Variants in ERP29 observed in about 807,000 individuals in gnomAD.
ERP29 encodes the protein endoplasmic reticulum protein 29.
A neutral mutation model predicts 21.7 loss-of-function variants in ERP29; 14 were observed. That is an observed-to-expected ratio of 0.64 (90% confidence interval 0.43 to 1.01). The LOEUF is 1.01. Among genes scored for constraint, ERP29 ranks in the 50% least tolerant of loss-of-function variants. The probability of loss-of-function intolerance (pLI) is 0.00; values close to 1 mark genes in which losing one functional copy is unlikely to be tolerated. For missense variants in ERP29, 286 were observed against 327.3 expected, an observed-to-expected ratio of 0.87 and a Z score of 0.97; for synonymous variants, 129 against 139.1, an observed-to-expected ratio of 0.93 and a Z score of 0.51.
intron 1 of ERP29, 45 bp from the exon 2 acceptor site, chr12:112,019,711 A>G (rs772059950): frequency 6.2e-7 from 1 of 1,613,580 alleles, no homozygotes; most frequent in Non-Finnish European, 8.5e-7. Flanking sequence ...AATTAGCCCC[A>G]AAAGTCCCTG....
intron 2 of ERP29, among the ~76,000 whole-genome samples, chr12:112,020,639 C>T (rs925976572): frequency 7.2e-5 from 11 of 152,168 alleles, no homozygotes; most frequent in Non-Finnish European, 1.2e-4. Context: ...CTTAGTAGAG[C>T]GTCTGGTCCT....
At chr12:112,015,882 A>G (rs1175017285) in intron 1 of ERP29, among the ~76,000 whole-genome samples, 2 of 152,132 alleles carry the variant, frequency 1.3e-5, no homozygotes, top group Admixed American at 1.3e-4. Flanking sequence ...ATGTTGCACT[A>G]GTTGTTCCTT....
chr12:112,019,920 G>T (rs369454134), intron 2 of ERP29, 26 bp downstream of exon 2: 70 of 1,613,162 alleles, frequency 4.3e-5, no homozygotes, highest in Middle Eastern at 1.6e-4. Flanking sequence ...GGACGGCTGG[G>T]GGGGCAGAGA....
intron 2 of ERP29, among the ~76,000 whole-genome samples, chr12:112,021,441 T>C (rs2078044478): frequency 6.6e-6 from 1 of 151,868 alleles, no homozygotes; most frequent in Admixed American, 6.6e-5. Context: ...TTGTTTTCCC[T>C]GTGGCATTCA....
chr12:112,017,904 C>A (rs996233820), intron 1 of ERP29, among the ~76,000 whole-genome samples: 19 of 151,412 alleles, frequency 1.3e-4, no homozygotes, highest in Non-Finnish European at 2.5e-4. Flanking sequence ...CCTGCCTCAG[C>A]CTCCCGAGTA....
chr12:112,022,427 C>A lies in ERP29; in HGVS notation c.561C>A (p.Asn187Lys), dbSNP rs1444582830. ...CCCTCTTGAAGCAGGGGCAAGATAA[C>A]CTCTCAAGTGTGAAGGAGACTCAGA... ...RQALLKQGQD[N>K]LSSVKETQKK... Residue 187 changes from asparagine to lysine, a missense_variant, in exon 3 of 3, where the codon AAC becomes AAA. Transcript: ENST00000261735. 2 of 1,614,152 alleles carry A rather than the reference C, an allele frequency of 1.2e-6. No individual in the cohort carries two copies. Among genetic ancestry groups the A allele is most frequent in the East Asian group, 2.2e-5 (1 of 44,882 alleles).
At chr12:112,014,421 C>T (rs923104400) in intron 1 of ERP29, among the ~76,000 whole-genome samples, 1 of 152,182 alleles carries the variant, frequency 6.6e-6, no homozygotes, top group Non-Finnish European at 1.5e-5. Context: ...TCGAAACCAC[C>T]CAACCCCGTG....
At chr12:112,014,540 C>T (rs1481940905) in intron 1 of ERP29, 1 of 152,224 alleles carries the variant, frequency 6.6e-6, no homozygotes, top group Non-Finnish European at 1.5e-5. Flanking sequence ...TGGGTCAAGG[C>T]ATGGAAGAAT....
At chr12:112,013,650 G>A (rs1269603164) in intron 1 of ERP29, 41 bp downstream of exon 1, 3 of 1,500,546 alleles carry the variant, frequency 2.0e-6, no homozygotes, top group Non-Finnish European at 2.7e-6. Flanking sequence ...TGCCGCCGGG[G>A]CGCCCGGAAG....
Position 112,019,487 on chromosome 12 carries a change from A to C in ERP29, c.145-269A>C, listed in dbSNP as rs187468982. ...AAGGAACCCTGAAGGAGAAGGCCTT[A>C]GTATGTCTGCAGCCTTGTTTATTCT... On this transcript the variant is annotated intron_variant, in intron 1 of 2. Coordinates refer to ENST00000261735, the MANE Select transcript of ERP29 (RefSeq NM_006817.4). The C allele has an allele frequency of 1.1e-3, 530 of 470,980 alleles. 1 individual carries two copies. The highest frequency in any genetic ancestry group is 1.2e-3 in the Non-Finnish European group (312 of 256,392). 29.2% of individuals were successfully genotyped at this position (470,980 alleles called of 1,614,324 possible). A position where few individuals can be genotyped will look rare whatever the true frequency, so the allele number is the denominator to read the frequency against.
chr12:112,019,821 G>C lies in ERP29; in HGVS notation c.210G>C (p.Gln70His), dbSNP rs1256238880. 9 of 1,614,082 alleles carry C rather than the reference G, an allele frequency of 5.6e-6. No homozygotes were observed. The South Asian group carries it at 9.9e-5, about 18-fold the overall frequency. ...CCCAGTACCCCTACGGTGAGAAGCAGGATGAGTTCAAGCGTCTTGCTGAAA... is the reference window on the plus strand; with the variant it reads ...CCCAGTACCCCTACGGTGAGAAGCACGATGAGTTCAAGCGTCTTGCTGAAA... ...FDTQYPYGEKQDEFKRLAENS... is the reference protein window; with the variant it reads ...FDTQYPYGEKHDEFKRLAENS... The change falls in exon 2 of 3, where the codon CAG becomes CAC. Residue 70 changes from glutamine (Q) to histidine (H), a missense_variant. Coordinates refer to ENST00000261735, the MANE Select transcript of ERP29 (RefSeq NM_006817.4).
intron 2 of ERP29, among the ~76,000 whole-genome samples, chr12:112,021,498 A>C (rs2078044864): frequency 6.8e-6 from 1 of 146,216 alleles, no homozygotes; most frequent in Non-Finnish European, 1.5e-5. Flanking sequence ...CCCTTAGAAG[A>C]ATATGAGCTT....
At chr12:112,021,167 G>T (rs2078043026) in intron 2 of ERP29, among the ~76,000 whole-genome samples, 1 of 152,196 alleles carries the variant, frequency 6.6e-6, no homozygotes, top group Non-Finnish European at 1.5e-5. Flanking sequence ...ATGTGGCAGG[G>T]ACTGTGTTCC....
intron 1 of ERP29, among the ~76,000 whole-genome samples, chr12:112,014,198 C>G (rs1000464548): frequency 6.6e-6 from 1 of 152,236 alleles, no homozygotes; most frequent in African/African-American, 2.4e-5. Flanking sequence ...CCAGGCCCGT[C>G]GGTGGCCTGT....
intron 1 of ERP29, chr12:112,019,038 G>C (rs2078029344): frequency 6.5e-6 from 1 of 153,278 alleles, no homozygotes; most frequent in Non-Finnish European, 1.5e-5. Flanking sequence ...TTTCCTTTTG[G>C]GATGATGAAA....
At position 112,022,176 on chromosome 12, in the gene ERP29, C is replaced by A. The variant is rs201886997; in HGVS notation, c.310C>A (p.Leu104Met). The A allele has an allele frequency of 2.3e-4, 376 of 1,614,004 alleles. 3 individuals carry two copies. Among genetic ancestry groups the A allele is most frequent in the South Asian group, 1.3e-3 (117 of 91,082 alleles). ...SDYGDKLNME[L>M]SEKYKLDKES... is the part of the protein sequence containing the mutation. Reference sequence around the variant, plus strand: ...TTATGGTGACAAGCTGAACATGGAGCTGAGTGAGAAATACAAGCTGGACAA... The same window carrying A: ...TTATGGTGACAAGCTGAACATGGAGATGAGTGAGAAATACAAGCTGGACAA... The change falls in exon 3 of 3, where the codon CTG (leucine) becomes ATG (methionine). Residue 104 changes from leucine (L) to methionine (M), a missense_variant. By Grantham distance (15) the Leu-to-Met change is conservative (BLOSUM62 2). Coordinates refer to ENST00000261735, the MANE Select transcript of ERP29 (RefSeq NM_006817.4).
In ERP29 at chr12:112,019,770, CAAGTTCGTCTTGGTG is replaced by C; in HGVS notation, c.167_181del (p.Val56_Phe60del). 1 of 1,614,114 alleles carries C rather than the reference CAAGTTCGTCTTGGTG, an allele frequency of 6.2e-7. No individual in the cohort carries two copies. Among genetic ancestry groups the C allele is most frequent in the Non-Finnish European group, 8.5e-7 (1 of 1,180,034 alleles). On this transcript the variant is annotated inframe_deletion, in exon 2 of 3. Transcript: ENST00000261735. ...TACGCCCTCAGGTCATTCCCAAAAGCAAGTTCGTCTTGGTGAAGTTCGACACCCAGTACCCCTACG... is the reference window on the plus strand; with the variant it reads ...TACGCCCTCAGGTCATTCCCAAAAGCAAGTTCGACACCCAGTACCCCTACG...
rs372260037 is a variant in ERP29 at position 112,013,486 on chromosome 12, C to A, written c.21C>A (p.Arg7=). The A allele has an allele frequency of 1.2e-6, 2 of 1,612,680 alleles. No individual in the cohort carries two copies. The highest frequency in any genetic ancestry group is 1.3e-5 in the African/African-American group (1 of 74,864). Residue 7 remains arginine, a synonymous_variant, in exon 1 of 3, where the codon CGC becomes CGA. Coordinates refer to ENST00000261735, the MANE Select transcript of ERP29 (RefSeq NM_006817.4). ...GCGATATGGCTGCCGCTGTGCCCCG[C>A]GCCGCATTTCTCTCCCCGCTGCTTC... is the stretch of plus-strand genomic sequence containing the variant. MAAAVP[R]AAFLSPLLPL... is the part of the protein sequence containing the mutation.
intron 1 of ERP29, 193 bp from the exon 2 acceptor site, chr12:112,019,563 G>A: frequency 9.1e-6 from 6 of 656,376 alleles, no homozygotes; most frequent in South Asian, 6.7e-5. Flanking sequence ...CTAATGGGGT[G>A]CCCTGCATGT....
Sources: gnomAD v4.1 joint callset for allele counts (sites outside exome capture counted in the v4.1 genomes callset) on GRCh38, gnomAD v4.1.1 for gene constraint, MANE v1.5 for transcripts, NCBI Gene and HGNC (gene_info 2026-07-23, HGNC 2026-07-21) for gene names.